The following ZNRF1 variants were observed in gnomAD, a reference collection of about 807,000 sequenced individuals.
ZNRF1 encodes the protein zinc and ring finger 1.
Under a neutral mutation model 18.4 loss-of-function variants are expected in ZNRF1, and 3 were observed. The observed-to-expected ratio is 0.16, with a 90% CI of 0.07 to 0.42. The LOEUF (loss-of-function observed/expected upper bound fraction) is 0.42, where lower values mean the gene tolerates loss of function less well. Among genes scored for constraint, ZNRF1 ranks in the 10% least tolerant of loss-of-function variants. The pLI, the probability that ZNRF1 is intolerant of heterozygous loss-of-function variation, is 0.99. For missense variants in ZNRF1, 310 were observed against 329.8 expected, an observed-to-expected ratio of 0.94 and a Z score of 0.47; for synonymous variants, 157 against 144.2, an observed-to-expected ratio of 1.09 and a Z score of -0.64.
intron 1 of ZNRF1, among the ~76,000 whole-genome samples, chr16:75,078,628 A>G (rs1192632419): frequency 1.3e-5 from 2 of 152,122 alleles, no homozygotes; most frequent in African/African-American, 4.8e-5. Flanking sequence ...ATTTGTCAAT[A>G]TTTATGTTTC....
chr16:75,044,649 C>A (rs2035491373), intron 1 of ZNRF1, among the ~76,000 whole-genome samples: 1 of 152,126 alleles, frequency 6.6e-6, no homozygotes, highest in African/African-American at 2.4e-5. Flanking sequence ...TGTGAGCCAC[C>A]ATACCCAGCC....
intron 1 of ZNRF1, among the ~76,000 whole-genome samples, chr16:75,001,808 A>C (rs1021567474): frequency 1.3e-5 from 2 of 152,200 alleles, no homozygotes; most frequent in African/African-American, 4.8e-5. Context: ...TTATGCTACT[A>C]CCAGGTTCCA....
chr16:75,040,042 CTTTTTTTTTTTTTTTTTTTT>C (rs57122648), intron 1 of ZNRF1, among the ~76,000 whole-genome samples: 1 of 78,890 alleles, frequency 1.3e-5, no homozygotes, highest in Non-Finnish European at 2.3e-5. Flanking sequence ...TCTTTTCTTT[CTTTTTTTTTTTTTTTTTTTT>C]TTTTTTGAGT....
chr16:75,059,229 C>CTTTTTTTTTTTTTCTTTTTT (rs2035708911), intron 1 of ZNRF1, among the ~76,000 whole-genome samples: 2 of 92,878 alleles, frequency 2.2e-5, no homozygotes, highest in Non-Finnish European at 4.1e-5. Flanking sequence ...TTCTTTCTTT[C>CTTTTTTTTTTTTTCTTTTTT]TTTTTTTTTT....
intron 1 of ZNRF1, among the ~76,000 whole-genome samples, chr16:75,068,109 T>A (rs753528460): frequency 6.7e-6 from 1 of 150,326 alleles, no homozygotes; most frequent in Non-Finnish European, 1.5e-5. Flanking sequence ...ATCCAAGCAT[T>A]TGGGGAGGCT....
intron 1 of ZNRF1, among the ~76,000 whole-genome samples, chr16:75,013,255 T>C (rs2035022762): frequency 6.6e-6 from 1 of 152,122 alleles, no homozygotes; most frequent in Non-Finnish European, 1.5e-5. Context: ...GGAGTAAGAA[T>C]TACTTCTCTG....
chr16:75,048,885 G>T (rs963936662), intron 1 of ZNRF1, among the ~76,000 whole-genome samples: 4 of 152,008 alleles, frequency 2.6e-5, no homozygotes, highest in Non-Finnish European at 5.9e-5. Flanking sequence ...TACATTCATT[G>T]AATTAAAAAA....
intron 1 of ZNRF1, among the ~76,000 whole-genome samples, chr16:75,081,318 C>T (rs988470222): frequency 6.6e-6 from 1 of 152,248 alleles, no homozygotes; most frequent in Non-Finnish European, 1.5e-5. Context: ...GCCTGACCTG[C>T]ATGGCTGGTC....
chr16:75,049,394 A>T (rs980725968), intron 1 of ZNRF1, among the ~76,000 whole-genome samples: 1 of 149,528 alleles, frequency 6.7e-6, no homozygotes, highest in Non-Finnish European at 1.5e-5. Context: ...TAGCACGATC[A>T]TAGCTTACTG....
At chr16:75,038,857 GTTA>G (rs1035895205) in intron 1 of ZNRF1, among the ~76,000 whole-genome samples, 6 of 152,084 alleles carry the variant, frequency 3.9e-5, no homozygotes, top group African/African-American at 1.4e-4. Context: ...TTTAAGTGCT[GTTA>G]TTTTTTTTTT....
intron 1 of ZNRF1, among the ~76,000 whole-genome samples, chr16:75,025,161 G>A (rs1259090125): frequency 1.3e-5 from 2 of 152,020 alleles, no homozygotes; most frequent in Non-Finnish European, 2.9e-5. Context: ...TCTGCCTCCC[G>A]GGTTCATGCC....
At chr16:75,104,924 C>G (rs777485490) in intron 3 of ZNRF1, 35 bp downstream of exon 3, 1 of 1,525,006 alleles carries the variant, frequency 6.6e-7, no homozygotes. Flanking sequence ...TAGTGCACCC[C>G]ACCTCCCAGA....
intron 1 of ZNRF1, among the ~76,000 whole-genome samples, chr16:75,014,627 A>C (rs2035042852): frequency 6.6e-6 from 1 of 152,078 alleles, no homozygotes; most frequent in Non-Finnish European, 1.5e-5. Flanking sequence ...TCTAGGGTAC[A>C]TCCTTAGTCA....
chr16:75,083,890 G>C (rs189553855), intron 1 of ZNRF1, among the ~76,000 whole-genome samples: 1 of 152,252 alleles, frequency 6.6e-6, no homozygotes, highest in African/African-American at 2.4e-5. Context: ...GGTAGAGGAA[G>C]GGTGCCTGAG....
chr16:75,066,382 C>T lies in ZNRF1; in HGVS notation c.425-27190C>T, dbSNP rs183841485. ...GAAGACATGATTATCTCATTTGATA[C>T]GGAAAACAAATTCGATGAGTTCAGT... On this transcript the variant is annotated intron_variant, in intron 1 of 4. Transcript: ENST00000335325. Among the ~76,000 whole-genome samples, 20 of 152,168 alleles carry T rather than the reference C, an allele frequency of 1.3e-4. 1 individual carries two copies. The highest frequency in any genetic ancestry group is 3.9e-4 in the East Asian group (2 of 5,180).
At chr16:75,059,802 C>T (rs1336056432) in intron 1 of ZNRF1, among the ~76,000 whole-genome samples, 5 of 152,086 alleles carry the variant, frequency 3.3e-5, no homozygotes, top group African/African-American at 7.2e-5. Context: ...TGGATTTGAC[C>T]GCTCCTTTCT....
intron 1 of ZNRF1, among the ~76,000 whole-genome samples, chr16:75,019,970 CA>C (rs2035123035): frequency 6.6e-6 from 1 of 152,210 alleles, no homozygotes. Context: ...CTTGGCCTCC[CA>C]AAGTGCTGGG....
chr16:75,001,139 G>A (rs969724856), intron 1 of ZNRF1, among the ~76,000 whole-genome samples: 2 of 152,276 alleles, frequency 1.3e-5, no homozygotes, highest in Admixed American at 1.3e-4. Flanking sequence ...AGATTCTTTT[G>A]GGTGAGTTGG....
chr16:75,025,186 G>T (rs1295260135), intron 1 of ZNRF1, among the ~76,000 whole-genome samples: 2 of 152,124 alleles, frequency 1.3e-5, no homozygotes, highest in African/African-American at 4.8e-5. Flanking sequence ...TCCTGCCTCA[G>T]CCTCTTGAGT....
Sources: gnomAD v4.1 joint callset for allele counts (sites outside exome capture counted in the v4.1 genomes callset) on GRCh38, gnomAD v4.1.1 for gene constraint, MANE v1.5 for transcripts, NCBI Gene and HGNC (gene_info 2026-07-23, HGNC 2026-07-21) for gene names.